KCTD8: variants seen among roughly 807,000 people sequenced by gnomAD.
KCTD8 encodes potassium channel tetramerization domain containing 8, also known as BTB/POZ domain-containing protein KCTD8.
Under a neutral mutation model 31.5 loss-of-function variants are expected in KCTD8, and 27 were observed. The ratio of observed to expected loss-of-function variants is 0.86; its 90% CI spans 0.63 to 1.18. The LOEUF is 1.18. Among genes scored for constraint, KCTD8 ranks in the 50% most tolerant of loss-of-function variants. The pLI, the probability that KCTD8 is intolerant of heterozygous loss-of-function variation, is 0.00. For synonymous variants in KCTD8, 290 were observed against 280.0 expected, an observed-to-expected ratio of 1.04 and a Z score of -0.36; for missense variants, 658 against 647.7, an observed-to-expected ratio of 1.02 and a Z score of -0.17.
rs200186245 is a variant in KCTD8 at position 44,268,411 on chromosome 4, T to G, written c.962-93161A>C. ...ATGTATCTCAAAATAATAAGAGCTA[T>G]CTAGGACAAACCCACAGCCAATATC... is the stretch of plus-strand genomic sequence containing the variant. On this transcript the variant is annotated intron_variant, in intron 1 of 1. Transcript: ENST00000360029. Among the ~76,000 whole-genome samples, 754 of 152,230 alleles carry G rather than the reference T, an allele frequency of 5.0e-3. 25 individuals carry two copies. Among genetic ancestry groups the G allele is most frequent in the Admixed American group, 0.045 (681 of 15,290 alleles).
At chr4:44,330,863 A>G (rs1234012036) in intron 1 of KCTD8, among the ~76,000 whole-genome samples, 1 of 151,874 alleles carries the variant, frequency 6.6e-6, no homozygotes, top group Non-Finnish European at 1.5e-5. Flanking sequence ...CAATGCTTCA[A>G]TTAGTTTTCT....
intron 1 of KCTD8, among the ~76,000 whole-genome samples, chr4:44,268,672 A>G (rs1267060980): frequency 6.6e-6 from 1 of 152,238 alleles, no homozygotes; most frequent in Non-Finnish European, 1.5e-5. Flanking sequence ...AAACTCCTTA[A>G]GCTGATAAGC....
chr4:44,293,678 T>G, intron 1 of KCTD8: 1 of 370,144 alleles, frequency 2.7e-6, no homozygotes, highest in Non-Finnish European at 5.3e-6. Flanking sequence ...AATTGTATGA[T>G]GACATGAGGG....
At chr4:44,226,643 CTATACT>C (rs1714972030) in intron 1 of KCTD8, among the ~76,000 whole-genome samples, 1 of 152,102 alleles carries the variant, frequency 6.6e-6, no homozygotes, top group Non-Finnish European at 1.5e-5. Context: ...TTGAACTAAT[CTATACT>C]CCCACCAACA....
At chr4:44,220,425 T>C (rs1409884595) in intron 1 of KCTD8, among the ~76,000 whole-genome samples, 1 of 152,154 alleles carries the variant, frequency 6.6e-6, no homozygotes, top group East Asian at 1.9e-4. Context: ...GGGGAAGGTG[T>C]GGTGGAAGGA....
At chr4:44,412,227 A>G (rs1234738133) in intron 1 of KCTD8, among the ~76,000 whole-genome samples, 1 of 152,172 alleles carries the variant, frequency 6.6e-6, no homozygotes, top group Admixed American at 6.6e-5. Flanking sequence ...CTGAAACTCA[A>G]TTATATCAGC....
intron 1 of KCTD8, among the ~76,000 whole-genome samples, chr4:44,415,105 T>C (rs1167918071): frequency 1.3e-5 from 2 of 152,176 alleles, no homozygotes; most frequent in African/African-American, 4.8e-5. Context: ...TCATCCATGT[T>C]ATGCCCTAGC....
intron 1 of KCTD8, among the ~76,000 whole-genome samples, chr4:44,250,800 T>A (rs577497588): frequency 6.6e-6 from 1 of 151,894 alleles, no homozygotes; most frequent in African/African-American, 2.4e-5. Context: ...TTATGTATTC[T>A]GAGAAGTAAA....
At chr4:44,353,516 TC>T (rs1440022364) in intron 1 of KCTD8, among the ~76,000 whole-genome samples, 3 of 152,060 alleles carry the variant, frequency 2.0e-5, no homozygotes, top group Non-Finnish European at 4.4e-5. Flanking sequence ...CACTAAAATA[TC>T]ATTAACTACA....
intron 1 of KCTD8, among the ~76,000 whole-genome samples, chr4:44,300,524 C>T (rs906028591): frequency 2.0e-5 from 3 of 151,814 alleles, no homozygotes; most frequent in Non-Finnish European, 4.4e-5. Flanking sequence ...TCTGTATTGC[C>T]ATCTCTTTTT....
intron 1 of KCTD8, among the ~76,000 whole-genome samples, chr4:44,396,981 CA>C: frequency 6.6e-6 from 1 of 152,248 alleles, no homozygotes; most frequent in Non-Finnish European, 1.5e-5. Flanking sequence ...GAATGGCTAA[CA>C]AAGCTAAAAG....
At chr4:44,426,656 G>A (rs1467986664) in intron 1 of KCTD8, among the ~76,000 whole-genome samples, 1 of 151,454 alleles carries the variant, frequency 6.6e-6, no homozygotes, top group Non-Finnish European at 1.5e-5. Flanking sequence ...TGGTATAAAA[G>A]GAAATTAAAA....
At chr4:44,229,251 C>T (rs1047480817) in intron 1 of KCTD8, among the ~76,000 whole-genome samples, 5 of 152,142 alleles carry the variant, frequency 3.3e-5, no homozygotes, top group Admixed American at 6.5e-5. Flanking sequence ...GCAATTATCA[C>T]GTTGCCTCTC....
intron 1 of KCTD8, among the ~76,000 whole-genome samples, chr4:44,343,687 T>C (rs1436326226): frequency 6.6e-6 from 1 of 152,148 alleles, no homozygotes; most frequent in African/African-American, 2.4e-5. Context: ...TTCACAAGAA[T>C]AAAATTAAAA....
intron 1 of KCTD8, among the ~76,000 whole-genome samples, chr4:44,335,039 G>T (rs1490347850): frequency 1.3e-5 from 2 of 152,012 alleles, no homozygotes; most frequent in African/African-American, 4.8e-5. Context: ...GAGTCAAATG[G>T]ACAATTAATC....
At chr4:44,406,122 A>G (rs948301567) in intron 1 of KCTD8, among the ~76,000 whole-genome samples, 1 of 152,160 alleles carries the variant, frequency 6.6e-6, no homozygotes, top group African/African-American at 2.4e-5. Context: ...GTGGGGTAGC[A>G]TCCAAAAACA....
At chr4:44,418,197 G>C (rs184082860) in intron 1 of KCTD8, among the ~76,000 whole-genome samples, 1 of 152,212 alleles carries the variant, frequency 6.6e-6, no homozygotes, top group East Asian at 1.9e-4. Context: ...TTTAAAAGAC[G>C]ACAATGGAAA....
intron 1 of KCTD8, among the ~76,000 whole-genome samples, chr4:44,374,489 A>G (rs544404213): frequency 6.6e-6 from 1 of 152,156 alleles, no homozygotes; most frequent in Non-Finnish European, 1.5e-5. Flanking sequence ...TCACTGGTGT[A>G]GCACTTTTAA....
chr4:44,324,680 T>C (rs142626387), intron 1 of KCTD8, among the ~76,000 whole-genome samples: 46 of 152,152 alleles, frequency 3.0e-4, no homozygotes, highest in Non-Finnish European at 3.5e-4. Context: ...TTTTTCCTTA[T>C]AGTATTTTAG....
Sources: gnomAD v4.1 joint callset for allele counts (sites outside exome capture counted in the v4.1 genomes callset) on GRCh38, gnomAD v4.1.1 for gene constraint, MANE v1.5 for transcripts, NCBI Gene and HGNC (gene_info 2026-07-23, HGNC 2026-07-21) for gene names.